Variants in AKAP6 observed in about 807,000 individuals in gnomAD.
AKAP6 encodes the protein A-kinase anchor protein 6.
Under a neutral mutation model 188.5 loss-of-function variants are expected in AKAP6, and 58 were observed. That is an observed-to-expected ratio of 0.31 (90% confidence interval 0.25 to 0.38). AKAP6 has a LOEUF of 0.38. AKAP6 is among the 10% of genes least tolerant of loss of function. The probability of loss-of-function intolerance (pLI) is 1.00; values close to 1 mark genes in which losing one functional copy is unlikely to be tolerated. For missense variants in AKAP6, 2,710 were observed against 2,740.0 expected (o/e 0.99, Z 0.24); for synonymous variants, 989 against 998.6 (o/e 0.99, Z 0.18).
intron 7 of AKAP6, among the ~76,000 whole-genome samples, chr14:32,661,510 A>G (rs1019173672): frequency 4.6e-5 from 7 of 152,044 alleles, no homozygotes; most frequent in Non-Finnish European, 7.4e-5. Context: ...GGGAGCAGAG[A>G]GTTTCGATTA....
At chr14:32,379,541 C>T (rs1034531466) in intron 1 of AKAP6, among the ~76,000 whole-genome samples, 1 of 151,886 alleles carries the variant, frequency 6.6e-6, no homozygotes, top group Admixed American at 6.6e-5. Context: ...ACTTCCTGTC[C>T]CTCCTCTCCT....
intron 11 of AKAP6, among the ~76,000 whole-genome samples, chr14:32,755,499 T>A (rs548183108): frequency 6.7e-6 from 1 of 148,598 alleles, no homozygotes; most frequent in South Asian, 2.1e-4. Flanking sequence ...TGTAGCCCAC[T>A]GAGATTAAGG....
chr14:32,787,788 G>A (rs74045508), intron 12 of AKAP6, among the ~76,000 whole-genome samples: 1 of 152,152 alleles, frequency 6.6e-6, no homozygotes, highest in African/African-American at 2.4e-5. Flanking sequence ...CTCTTTCAAA[G>A]TAATCTCCAA....
intron 12 of AKAP6, among the ~76,000 whole-genome samples, chr14:32,819,975 T>C (rs2034479078): frequency 6.6e-6 from 1 of 152,094 alleles, no homozygotes; most frequent in Admixed American, 6.5e-5. Flanking sequence ...TATATATATG[T>C]ATGGCCACCT....
At chr14:32,478,052 C>G (rs1879160396) in intron 2 of AKAP6, among the ~76,000 whole-genome samples, 1 of 152,168 alleles carries the variant, frequency 6.6e-6, no homozygotes, top group Non-Finnish European at 1.5e-5. Context: ...GGTTGAGCCT[C>G]CCTAGTGAAT....
At chr14:32,621,378 C>G (rs1008832078) in intron 7 of AKAP6, among the ~76,000 whole-genome samples, 2 of 151,904 alleles carry the variant, frequency 1.3e-5, no homozygotes, top group Non-Finnish European at 2.9e-5. Flanking sequence ...ATTTGTGTTA[C>G]TGTTATCATT....
chr14:32,577,190 C>A lies in AKAP6; in HGVS notation c.2417C>A (p.Thr806Asn). Reference sequence around the variant, plus strand: ...GCCATGGAAACTACAGAAAATTGGACTCCCCCTAAAGCAGAGATGGATGAC... The same window carrying A: ...GCCATGGAAACTACAGAAAATTGGAATCCCCCTAAAGCAGAGATGGATGAC... The part of the protein sequence containing the change: ...NEAMETTENW[T>N]PPKAEMDDLK... The change falls in exon 5 of 14, where the codon ACT becomes AAT. Residue 806 changes from threonine to asparagine, a missense_variant. Physicochemically the swap from Thr to Asn is moderately conservative, Grantham distance 65. This residue lies in a region of AKAP6 where 2,473 missense variants were observed against 2,426.1 expected (regional missense o/e 1.02). Transcript: ENST00000280979. The A allele has an allele frequency of 1.2e-6, 2 of 1,612,490 alleles. No individual in the cohort carries two copies. The highest frequency in any genetic ancestry group is 1.7e-6 in the Non-Finnish European group (2 of 1,179,158).
intron 13 of AKAP6, 148 bp downstream of exon 13, chr14:32,824,963 A>G: frequency 1.9e-6 from 1 of 519,164 alleles, no homozygotes; most frequent in Non-Finnish European, 3.2e-6. Context: ...TGCTCTCAAC[A>G]ATGAAAGTAA....
intron 9 of AKAP6, among the ~76,000 whole-genome samples, chr14:32,724,144 C>G (rs1395945582): frequency 3.9e-5 from 6 of 152,042 alleles, no homozygotes; most frequent in Admixed American, 1.3e-4. Flanking sequence ...AGTTTATGAT[C>G]TCTGAACTAA....
At chr14:32,609,879 TGACACACACACA>T (rs1342918074) in intron 7 of AKAP6, among the ~76,000 whole-genome samples, 20 of 84,690 alleles carry the variant, frequency 2.4e-4, no homozygotes, top group African/African-American at 8.4e-4. Context: ...TCTCTCTCTC[TGACACACACACA>T]CACACACACA....
At chr14:32,603,502 C>G (rs144350235) in intron 7 of AKAP6, among the ~76,000 whole-genome samples, 3 of 152,230 alleles carry the variant, frequency 2.0e-5, no homozygotes, top group African/African-American at 7.2e-5. Context: ...CAGCATTTCT[C>G]AAAAAGAGGA....
intron 8 of AKAP6, among the ~76,000 whole-genome samples, chr14:32,685,601 G>A (rs546098380): frequency 5.0e-4 from 76 of 151,620 alleles, no homozygotes; most frequent in Admixed American, 3.8e-3. Context: ...GTGGGCGCCT[G>A]TACTCCCAGC....
At chr14:32,812,646 CTT>C (rs907471444) in intron 12 of AKAP6, among the ~76,000 whole-genome samples, 1 of 152,128 alleles carries the variant, frequency 6.6e-6, no homozygotes, top group Non-Finnish European at 1.5e-5. Context: ...GGGAAAGTAA[CTT>C]TTTTCTACAG....
chr14:32,664,997 C>A (rs1888860535), intron 7 of AKAP6, among the ~76,000 whole-genome samples: 1 of 152,060 alleles, frequency 6.6e-6, no homozygotes, highest in Admixed American at 6.6e-5. Flanking sequence ...TATTGAAATT[C>A]ATGTACTTGG....
rs774672474 is a variant in AKAP6, at chr14:32,822,817, T to A, written c.5004T>A (p.Phe1668Leu). The A allele has an allele frequency of 6.2e-7, 1 of 1,613,960 alleles. No individual in the cohort carries two copies. Among genetic ancestry groups the A allele is most frequent in the African/African-American group, 1.3e-5 (1 of 75,026 alleles). The change falls in exon 13 of 14, where the codon TTT (phenylalanine) becomes TTA (leucine). Residue 1668 changes from phenylalanine (F) to leucine (L), a missense_variant. By Grantham distance (22) the Phe-to-Leu change is conservative. Transcript: ENST00000280979. ...AAAGCAGTTCCCAAAAGATGTCCTTTACTGGCCAGATGTCATTGGACATAG... is the reference window on the plus strand; with the variant it reads ...AAAGCAGTTCCCAAAAGATGTCCTTAACTGGCCAGATGTCATTGGACATAG... ...TLQSSSQKMS[F>L]TGQMSLDIAS...
chr14:32,799,675 G>A (rs72669849), intron 12 of AKAP6, among the ~76,000 whole-genome samples: 10,599 of 151,884 alleles, frequency 0.07, 407 homozygotes, highest in South Asian at 0.15. Context: ...GAGAGCATTC[G>A]TTGTATGATT....
intron 2 of AKAP6, among the ~76,000 whole-genome samples, chr14:32,441,146 A>G (rs751898151): frequency 2.6e-5 from 4 of 152,188 alleles, no homozygotes; most frequent in Non-Finnish European, 5.9e-5. Context: ...TTTATAAATT[A>G]CCCAGTCTAA....
chr14:32,553,628 G>A (rs1883573959), intron 4 of AKAP6, among the ~76,000 whole-genome samples: 2 of 151,960 alleles, frequency 1.3e-5, no homozygotes, highest in South Asian at 4.2e-4. Context: ...ATTGTTTTTA[G>A]TACTTACATA....
intron 8 of AKAP6, among the ~76,000 whole-genome samples, chr14:32,685,083 C>A (rs148644375): frequency 1.7e-5 from 2 of 115,736 alleles, no homozygotes; most frequent in East Asian, 3.1e-4. Flanking sequence ...TAGTAAGACC[C>A]CCCCCTACCA....
Sources: gnomAD v4.1 joint callset for allele counts (sites outside exome capture counted in the v4.1 genomes callset) on GRCh38, gnomAD v4.1.1 for gene constraint, gnomAD v4.1.1 regional missense constraint, MANE v1.5 for transcripts, NCBI Gene and HGNC (gene_info 2026-07-23, HGNC 2026-07-21) for gene names.